Variants in ANKRD53 observed in about 807,000 individuals in gnomAD.
ANKRD53 encodes ankyrin repeat domain-containing protein 53.
ANKRD53 carries 27 observed loss-of-function variants against 30.1 expected under a neutral mutation model. The ratio of observed to expected loss-of-function variants is 0.90; its 90% CI spans 0.66 to 1.24. The LOEUF is 1.24. Ranked by LOEUF, ANKRD53 falls within the 50% of genes most tolerant of loss-of-function variation. The probability of loss-of-function intolerance (pLI) is 0.00; values close to 1 mark genes in which losing one functional copy is unlikely to be tolerated. For synonymous variants in ANKRD53, 286 were observed against 295.4 expected, an observed-to-expected ratio of 0.97 and a Z score of 0.33; for missense variants, 682 against 721.0, an observed-to-expected ratio of 0.95 and a Z score of 0.62.
intron 3 of ANKRD53, among the ~76,000 whole-genome samples, chr2:70,980,733 CAGG>C (rs2104853503): frequency 1.3e-5 from 2 of 152,278 alleles, no homozygotes; most frequent in South Asian, 4.1e-4. Flanking sequence ...ATCACGAGGT[CAGG>C]AGATCAAGAA....
Position 70,978,958 on chromosome 2 carries a change from TC to T in ANKRD53, c.171-136del, listed in dbSNP as rs1343524607. ...AGACAGGCTGGGGCCAGGGATCGCCTCCCGAGAGGTGCCTAGGCCGTGGCCC... is the reference window on the plus strand; with the variant it reads ...AGACAGGCTGGGGCCAGGGATCGCCTCCGAGAGGTGCCTAGGCCGTGGCCC... On this transcript the variant is annotated intron_variant, in intron 1 of 5. Transcript: ENST00000360589. The surrounding 1 kb of genome is among the most constrained non-coding windows in gnomAD (Gnocchi z 4.3). 2.1e-5 allele frequency: 30 copies of T among 1,437,940 alleles called. No individual in the cohort carries two copies. The highest frequency in any genetic ancestry group is 5.6e-5 in the Admixed American group (2 of 35,708). The allele number at this position is 1,437,940 out of a possible 1,614,324, so 89.1% of individuals were successfully genotyped here.
chr2:70,981,906 C>CATAA, intron 3 of ANKRD53, 30 bp from the exon 4 acceptor site: 1 of 1,522,838 alleles, frequency 6.6e-7, no homozygotes, highest in African/African-American at 1.4e-5. Context: ...TCCTTTCTGC[C>CATAA]CTTATCCCCA....
chr2:70,981,948 C>T lies in ANKRD53; in HGVS notation c.630C>T (p.Asn210=), dbSNP rs782270069. Residue 210 remains asparagine, a synonymous_variant, in exon 4 of 6, where the codon AAC becomes AAT. Coordinates refer to ENST00000360589, the MANE Select transcript of ANKRD53 (RefSeq NM_001115116.2). ...GGGCCTTCCACAGTCAGACATGCAA[C>T]GGCTCCACGCCCCTGCACCTGGCAG... ...KGADLNAQTC[N]GSTPLHLAAR... is the part of the protein sequence containing the mutation. 2.5e-5 allele frequency: 39 copies of T among 1,585,342 alleles called. No homozygotes were observed. Among genetic ancestry groups the T allele is most frequent in the Non-Finnish European group, 3.2e-5 (37 of 1,165,234 alleles).
intron 5 of ANKRD53, chr2:70,984,294 G>A (rs1159928137): frequency 1.2e-6 from 2 of 1,613,752 alleles, no homozygotes; most frequent in East Asian, 2.2e-5. Context: ...TGTCTCCCAT[G>A]TCAAGTTGGA....
At chr2:70,981,000 T>A (rs1669994204) in intron 3 of ANKRD53, among the ~76,000 whole-genome samples, 1 of 152,206 alleles carries the variant, frequency 6.6e-6, no homozygotes, top group South Asian at 2.1e-4. Context: ...AGGCTGTGAT[T>A]TAATGGGTCT....
At position 70,979,721 on chromosome 2, in the gene ANKRD53, G is replaced by A. The variant is rs543553470; in HGVS notation, c.478G>A (p.Val160Ile). The part of the protein sequence containing the change: ...WGKLACLQVL[V>I]EEYKFPVDLL... ...CAAGCTTGCATGCCTGCAGGTCCTGGTAGAGGAGTACAAGTTTCCCGTGGA... is the reference window on the plus strand; with the variant it reads ...CAAGCTTGCATGCCTGCAGGTCCTGATAGAGGAGTACAAGTTTCCCGTGGA... The change falls in exon 3 of 6, where the codon GTA becomes ATA. Residue 160 changes from valine (V) to isoleucine (I), a missense_variant. By Grantham distance (29) the Val-to-Ile change is conservative. Transcript: ENST00000360589. 50 of 1,614,216 alleles carry A rather than the reference G, an allele frequency of 3.1e-5. No individual in the cohort carries two copies. The Admixed American group carries it at 6.2e-4, about 20-fold the overall frequency.
chr2:70,984,919 G>T lies in ANKRD53; in HGVS notation c.1212G>T (p.Gln404His). Reference protein sequence around the residue: ...RPPTTQISHSQGIRLGVHPDP... With the variant: ...RPPTTQISHSHGIRLGVHPDP... ...CCACCACCCAGATCAGCCACTCGCA[G>T]GGCATCCGCCTGGGCGTGCATCCAG... Residue 404 changes from glutamine to histidine, a missense_variant, in exon 6 of 6, where the codon CAG becomes CAT. Gln to His is a conservative substitution (Grantham distance 24). Transcript: ENST00000360589. The T allele has an allele frequency of 6.4e-7, 1 of 1,550,918 alleles. No individual in the cohort carries two copies. The highest frequency in any genetic ancestry group is 8.7e-7 in the Non-Finnish European group (1 of 1,147,006).
rs782261549 is a variant in ANKRD53 at position 70,978,720 on chromosome 2, T to G, written c.75T>G (p.Gly25=). 2 of 1,550,450 alleles carry G rather than the reference T, an allele frequency of 1.3e-6. No individual in the cohort carries two copies. The highest frequency in any genetic ancestry group is 4.8e-5 in the East Asian group (2 of 41,312). Residue 25 remains glycine, a synonymous_variant, in exon 1 of 6, where the codon GGT becomes GGG. Coordinates refer to ENST00000360589, the MANE Select transcript of ANKRD53 (RefSeq NM_001115116.2). This position sits in a 1 kb window ranked among gnomAD's most constrained non-coding sequence, Gnocchi z 4.3. The stretch of plus-strand genomic sequence containing the variant: ...ACTCAGAAAGGGGAGAAGGGAGAGG[T>G]GCTCGGCCGCAGCCAACTCCAAGTG... The part of the protein sequence containing the change: ...SWHSERGEGR[G]ARPQPTPSGS...
chr2:70,984,156 T>C (rs1408793151), intron 5 of ANKRD53: 10 of 1,613,690 alleles, frequency 6.2e-6, no homozygotes, highest in Admixed American at 1.7e-5. Context: ...CCCATTTGCC[T>C]TTTCCCCCAT....
chr2:70,984,342 A>C (rs1670105052), intron 5 of ANKRD53: 1 of 1,603,110 alleles, frequency 6.2e-7, no homozygotes, highest in African/African-American at 1.4e-5. Flanking sequence ...CTCCCATCAG[A>C]TTGGAGATCC....
Position 70,982,693 on chromosome 2 carries a change from A to G in ANKRD53, c.899A>G (p.Tyr300Cys). 1.2e-6 allele frequency: 2 copies of G among 1,613,958 alleles called. No individual in the cohort carries two copies. Among genetic ancestry groups the G allele is most frequent in the Non-Finnish European group, 1.7e-6 (2 of 1,179,924 alleles). ...TLMEHNYLIE[Y>C]QKEHKILREA... is the part of the protein sequence containing the mutation. ...ATGGAGCACAACTACCTGATTGAGTATCAAGTAAGGGGGACAGCAGGGGGG... is the reference window on the plus strand; with the variant it reads ...ATGGAGCACAACTACCTGATTGAGTGTCAAGTAAGGGGGACAGCAGGGGGG... Residue 300 changes from tyrosine to cysteine, a missense_variant, in exon 5 of 6, where the codon TAT (tyrosine) becomes TGT (cysteine). By Grantham distance (194) the Tyr-to-Cys change is radical (BLOSUM62 -2). Coordinates refer to ENST00000360589, the MANE Select transcript of ANKRD53 (RefSeq NM_001115116.2). This position sits in a 1 kb window ranked among gnomAD's most constrained non-coding sequence, Gnocchi z 4.2.
rs56204570 is a variant in ANKRD53 at position 70,985,163 on chromosome 2, C to T, written c.1456C>T (p.Arg486Trp). 3,081 of 1,550,898 alleles carry T rather than the reference C, an allele frequency of 2.0e-3. 51 individuals carry two copies. In the African/African-American group the frequency reaches 0.037, roughly 19 times the overall value. The change falls in exon 6 of 6, where the codon CGG becomes TGG. Residue 486 changes from arginine to tryptophan, a missense_variant. Arg to Trp is a moderately radical substitution (Grantham distance 101, BLOSUM62 -3). Coordinates refer to ENST00000360589, the MANE Select transcript of ANKRD53 (RefSeq NM_001115116.2). ...PISMREVPRK[R>W]HLGDNTFWTD... The stretch of plus-strand genomic sequence containing the variant: ...CAGCATGAGGGAAGTGCCCAGGAAG[C>T]GGCACCTGGGTGACAACACCTTCTG...
intron 2 of ANKRD53, among the ~76,000 whole-genome samples, 153 bp downstream of exon 2, chr2:70,979,496 G>T (rs3771383): frequency 0.17 from 25,597 of 152,204 alleles, 2,253 homozygotes; most frequent in Middle Eastern, 0.22. Flanking sequence ...GGGCAGGGAG[G>T]TTGGGTGGGC....
chr2:70,983,312 G>A (rs1180523193), intron 5 of ANKRD53, among the ~76,000 whole-genome samples: 2 of 151,056 alleles, frequency 1.3e-5, no homozygotes, highest in African/African-American at 2.5e-5. Context: ...CGCATGGAAA[G>A]GCATAGAGGC....
At position 70,984,884 on chromosome 2, in the gene ANKRD53, G is replaced by A. The variant is rs1357984229; in HGVS notation, c.1177G>A (p.Ala393Thr). 12 of 1,551,028 alleles carry A rather than the reference G, an allele frequency of 7.7e-6. No individual in the cohort carries two copies. The highest frequency in any genetic ancestry group is 3.6e-5 in the South Asian group (3 of 84,054). The change falls in exon 6 of 6, where the codon GCC (alanine) becomes ACC (threonine). Residue 393 changes from alanine to threonine, a missense_variant. By Grantham distance (58) the Ala-to-Thr change is moderately conservative. Transcript: ENST00000360589. ...AATGTGGAATGTTAGCAACAACCCCGCCAGACCCCCCACCACCCAGATCAG... is the reference window on the plus strand; with the variant it reads ...AATGTGGAATGTTAGCAACAACCCCACCAGACCCCCCACCACCCAGATCAG... Reference protein sequence around the residue: ...PTMWNVSNNPARPPTTQISHS... With the variant: ...PTMWNVSNNPTRPPTTQISHS...
chr2:70,980,941 G>A (rs1026736839), intron 3 of ANKRD53, among the ~76,000 whole-genome samples: 4 of 151,692 alleles, frequency 2.6e-5, no homozygotes, highest in East Asian at 1.9e-4. Flanking sequence ...GCGAGACTCC[G>A]TCTAAAAAAA....
chr2:70,985,349 G>A lies in ANKRD53; in HGVS notation c.*49G>A. The A allele has an allele frequency of 1.3e-6, 2 of 1,493,708 alleles. No individual in the cohort carries two copies. Among genetic ancestry groups the A allele is most frequent in the Non-Finnish European group, 1.8e-6 (2 of 1,107,586 alleles). 92.5% of individuals were successfully genotyped at this position (1,493,708 alleles called of 1,614,324 possible). A position where few individuals can be genotyped will look rare whatever the true frequency, so the allele number is the denominator to read the frequency against. On this transcript the variant is annotated 3_prime_UTR_variant, in exon 6 of 6. Coordinates refer to ENST00000360589, the MANE Select transcript of ANKRD53 (RefSeq NM_001115116.2). ...CTGAGGCAGCCCAGTGAAGGCTGAA[G>A]TGTGGCAATTCACGTTGTGGGTGGC...
Position 70,982,225 on chromosome 2 carries a change from C to G in ANKRD53, c.782+125C>G. ...TGGGAAGCCAGACAGCTGGAGGATG[C>G]GCCTACTGCCCAGGATATTTTGGAT... On this transcript the variant is annotated intron_variant, in intron 4 of 5. Transcript: ENST00000360589. This position sits in a 1 kb window ranked among gnomAD's most constrained non-coding sequence, Gnocchi z 4.2. The G allele has an allele frequency of 8.7e-7, 1 of 1,155,088 alleles. No homozygotes were observed. 71.6% of individuals were successfully genotyped at this position (1,155,088 alleles called of 1,614,324 possible).
At chr2:70,978,583 G>A, upstream of ANKRD53, 1 of 1,419,724 alleles carries the variant, frequency 7.0e-7, no homozygotes. This position sits in a 1 kb window ranked among gnomAD's most constrained non-coding sequence, Gnocchi z 4.3. Flanking sequence ...TGGCCCCCGG[G>A]GGCGGGGCGC....
Sources: allele counts gnomAD v4.1 joint callset (sites outside exome capture counted in the v4.1 genomes callset), GRCh38; gene constraint gnomAD v4.1.1; non-coding constraint Gnocchi (gnomAD v3.1); transcripts MANE v1.5; gene names NCBI Gene and HGNC (gene_info 2026-07-23, HGNC 2026-07-21).